CNTNAP2: variants seen among roughly 807,000 people sequenced by gnomAD.
CNTNAP2 encodes the protein contactin associated protein 2.
CNTNAP2 carries 98 observed loss-of-function variants against 155.2 expected under a neutral mutation model. The observed-to-expected ratio is 0.63, with a 90% CI of 0.54 to 0.75. The LOEUF (loss-of-function observed/expected upper bound fraction) is 0.75, where lower values mean the gene tolerates loss of function less well. Among genes scored for constraint, CNTNAP2 ranks in the 30% least tolerant of loss-of-function variants. The pLI is 0.00. For missense variants in CNTNAP2, 1,727 were observed against 1,688.1 expected, an observed-to-expected ratio of 1.02 and a Z score of -0.40; for synonymous variants, 651 against 631.2, an observed-to-expected ratio of 1.03 and a Z score of -0.47.
At chr7:146,177,548 G>A (rs1798487446) in intron 1 of CNTNAP2, among the ~76,000 whole-genome samples, 1 of 152,074 alleles carries the variant, frequency 6.6e-6, no homozygotes, top group Non-Finnish European at 1.5e-5. Context: ...CAGTCCAGCT[G>A]TTATACTATT....
intron 11 of CNTNAP2, among the ~76,000 whole-genome samples, chr7:147,520,429 T>C (rs1799211636): frequency 6.6e-6 from 1 of 152,220 alleles, no homozygotes; most frequent in South Asian, 2.1e-4. Flanking sequence ...CTGTAAGTAT[T>C]ATGCTTTCAA....
At chr7:147,472,542 G>A (rs1034181847) in intron 10 of CNTNAP2, among the ~76,000 whole-genome samples, 4 of 152,066 alleles carry the variant, frequency 2.6e-5, no homozygotes, top group African/African-American at 9.7e-5. Context: ...AGCGTGACAT[G>A]TGAAAGATCA....
At chr7:147,514,323 A>G (rs1294104530) in intron 11 of CNTNAP2, among the ~76,000 whole-genome samples, 1 of 152,052 alleles carries the variant, frequency 6.6e-6, no homozygotes, top group Non-Finnish European at 1.5e-5. Flanking sequence ...AGATTTTTAC[A>G]TCTATTTTAA....
At chr7:146,764,059 T>G (rs1802152089) in intron 1 of CNTNAP2, among the ~76,000 whole-genome samples, 1 of 152,182 alleles carries the variant, frequency 6.6e-6, no homozygotes, top group Non-Finnish European at 1.5e-5. Context: ...AATGCTAACT[T>G]TCAGTTAACC....
At chr7:146,995,240 G>A (rs989830830) in intron 3 of CNTNAP2, among the ~76,000 whole-genome samples, 1 of 151,960 alleles carries the variant, frequency 6.6e-6, no homozygotes, top group Non-Finnish European at 1.5e-5. Flanking sequence ...TTCATCCATT[G>A]GTAACATTTA....
At chr7:146,279,457 C>CACAA (rs1263124217) in intron 1 of CNTNAP2, among the ~76,000 whole-genome samples, 6 of 151,690 alleles carry the variant, frequency 4.0e-5, no homozygotes, top group African/African-American at 1.5e-4. Context: ...CACACACACA[C>CACAA]ACACACTTCC....
At chr7:147,583,663 C>G (rs1800561213) in intron 12 of CNTNAP2, among the ~76,000 whole-genome samples, 1 of 151,728 alleles carries the variant, frequency 6.6e-6, no homozygotes. Context: ...AATTGTATTC[C>G]TCACATGTCC....
chr7:148,314,118 C>T (rs1345758042), intron 21 of CNTNAP2, among the ~76,000 whole-genome samples: 3 of 151,954 alleles, frequency 2.0e-5, no homozygotes, highest in Admixed American at 6.6e-5. Context: ...CTAGCTCGAC[C>T]TGGCAAGGAG....
chr7:147,005,472 A>C (rs898131019), intron 3 of CNTNAP2, among the ~76,000 whole-genome samples: 2 of 152,066 alleles, frequency 1.3e-5, no homozygotes, highest in Non-Finnish European at 2.9e-5. Flanking sequence ...CATAAAAGCA[A>C]AAAGAAGTTT....
intron 14 of CNTNAP2, among the ~76,000 whole-genome samples, chr7:147,933,954 CA>C (rs1484531175): frequency 2.0e-5 from 3 of 152,122 alleles, no homozygotes; most frequent in Non-Finnish European, 4.4e-5. Flanking sequence ...TGAAATAAGT[CA>C]ACCACAGAAG....
chr7:148,217,312 G>A lies in CNTNAP2; in HGVS notation c.3035G>A (p.Gly1012Glu). 1 of 1,613,768 alleles carries A rather than the reference G, an allele frequency of 6.2e-7. No individual in the cohort carries two copies. The highest frequency in any genetic ancestry group is 1.1e-5 in the South Asian group (1 of 91,062). Reference protein sequence around the residue: ...NKDVGAFFEEGMWLRYNFQAP... With the variant: ...NKDVGAFFEEEMWLRYNFQAP... ...GATGTTGGTGCATTTTTTGAAGAAG[G>A]GATGTGGCTACGATATAACTTTCAG... The change falls in exon 19 of 24, where the codon GGG becomes GAG. Residue 1012 changes from glycine to glutamate, a missense_variant. By Grantham distance (98) the Gly-to-Glu change is moderately conservative (BLOSUM62 -2). Transcript: ENST00000361727.
At chr7:147,233,893 G>C (rs558539756) in intron 8 of CNTNAP2, among the ~76,000 whole-genome samples, 74 of 151,514 alleles carry the variant, frequency 4.9e-4, no homozygotes, top group African/African-American at 1.7e-3. Context: ...GTAATTATTT[G>C]CTATATTCAC....
intron 20 of CNTNAP2, among the ~76,000 whole-genome samples, chr7:148,245,622 T>C (rs776252045): frequency 5.0e-4 from 76 of 152,296 alleles, no homozygotes; most frequent in Non-Finnish European, 1.0e-3. Context: ...TTGAGCAAGA[T>C]AGAGCGGGCT....
At chr7:147,488,373 C>A (rs1180915804) in intron 11 of CNTNAP2, among the ~76,000 whole-genome samples, 1 of 152,098 alleles carries the variant, frequency 6.6e-6, no homozygotes. Flanking sequence ...GCACTTTGTT[C>A]GACTGAAGTC....
intron 20 of CNTNAP2, among the ~76,000 whole-genome samples, chr7:148,252,153 C>A (rs1796374235): frequency 6.6e-6 from 1 of 152,108 alleles, no homozygotes; most frequent in African/African-American, 2.4e-5. Context: ...ACATTTAGGC[C>A]CAGAATCACC....
chr7:146,719,853 T>A (rs1051460636), intron 1 of CNTNAP2, among the ~76,000 whole-genome samples: 3 of 152,154 alleles, frequency 2.0e-5, no homozygotes, highest in Non-Finnish European at 2.9e-5. Context: ...ATCCGATAAA[T>A]GTCCAAAACT....
intron 10 of CNTNAP2, among the ~76,000 whole-genome samples, chr7:147,414,814 G>C (rs150026346): frequency 1.3e-5 from 2 of 151,612 alleles, no homozygotes; most frequent in Admixed American, 1.3e-4. Flanking sequence ...GGTGGTGGGC[G>C]CCTGTAGTCC....
At chr7:148,374,841 T>C (rs1798953824) in intron 21 of CNTNAP2, among the ~76,000 whole-genome samples, 1 of 152,346 alleles carries the variant, frequency 6.6e-6, no homozygotes, top group East Asian at 1.9e-4. Context: ...AGCTTCAATT[T>C]ACTGGGATTC....
intron 14 of CNTNAP2, among the ~76,000 whole-genome samples, chr7:147,948,438 C>T (rs1196804164): frequency 6.7e-6 from 1 of 148,288 alleles, no homozygotes; most frequent in East Asian, 2.0e-4. Context: ...GTATATATAC[C>T]TATTGTATAC....
Sources: allele counts gnomAD v4.1 joint callset (sites outside exome capture counted in the v4.1 genomes callset), GRCh38; gene constraint gnomAD v4.1.1; transcripts MANE v1.5; gene names NCBI Gene and HGNC (gene_info 2026-07-23, HGNC 2026-07-21).